THTPA: variants seen among roughly 807,000 people sequenced by gnomAD.
The protein encoded by THTPA is thiamine triphosphatase, also known as thiamine-triphosphatase.
Under a neutral mutation model 16.5 loss-of-function variants are expected in THTPA, and 16 were observed. The observed-to-expected ratio is 0.97, with a 90% CI of 0.66 to 1.47. The LOEUF is 1.47. Ranked by LOEUF, THTPA falls within the 40% of genes most tolerant of loss-of-function variation. THTPA has a pLI of 0.00. For missense variants in THTPA, 281 were observed against 280.9 expected, an observed-to-expected ratio of 1.00 and a Z score of 0.00; for synonymous variants, 110 against 115.5, an observed-to-expected ratio of 0.95 and a Z score of 0.30.
Position 23,559,171 on chromosome 14 carries a change from C to A in THTPA, c.*331C>A. 1 of 278,042 alleles carries A rather than the reference C, an allele frequency of 3.6e-6. No homozygotes were observed. The highest frequency in any genetic ancestry group is 5.1e-5 in the South Asian group (1 of 19,602). The allele number at this position is 278,042 out of a possible 1,614,324, so 17.2% of individuals were successfully genotyped here. A position where few individuals can be genotyped will look rare whatever the true frequency, so the allele number is the denominator to read the frequency against. On this transcript the variant is annotated 3_prime_UTR_variant, in exon 2 of 2. Coordinates refer to ENST00000288014, the MANE Select transcript of THTPA (RefSeq NM_024328.6). ...CCCTTGCCACCCCCCCTCCCTTGGT[C>A]GATGCCATTGATTCTGCCAGCGGCT...
chr14:23,522,370 T>G, the THTPA span: 6 of 1,536,158 alleles, frequency 3.9e-6, no homozygotes, highest in East Asian at 1.5e-4. Context: ...CAGTGCTGCC[T>G]GTCAGCAGCT....
the THTPA span, among the ~76,000 whole-genome samples, chr14:23,519,478 G>A: frequency 6.6e-6 from 1 of 152,168 alleles, no homozygotes; most frequent in Non-Finnish European, 1.5e-5. Flanking sequence ...AGGGGTACAA[G>A]AGAGGCGGGG....
At chr14:23,543,967 A>C in the THTPA span, 1 of 152,104 alleles carries the variant, frequency 6.6e-6, no homozygotes, top group African/African-American at 2.4e-5. Context: ...CTTCATATAG[A>C]GAATGGGGCA....
upstream of THTPA, among the ~76,000 whole-genome samples, chr14:23,552,086 T>G (rs1882009134): frequency 6.6e-6 from 1 of 152,030 alleles, no homozygotes; most frequent in South Asian, 2.1e-4. Flanking sequence ...CTTTTTTCAT[T>G]CTCTTCTTCC....
chr14:23,518,588 A>T, the THTPA span, among the ~76,000 whole-genome samples: 1 of 152,226 alleles, frequency 6.6e-6, no homozygotes, highest in South Asian at 2.1e-4. This position sits in a 1 kb window ranked among gnomAD's most constrained non-coding sequence, Gnocchi z 4.5. Flanking sequence ...GAGCAAAAAT[A>T]GCCAAGATCA....
the THTPA span, chr14:23,528,860 A>C: frequency 1.2e-5 from 12 of 984,410 alleles, no homozygotes; most frequent in Non-Finnish European, 1.4e-5. Context: ...CCCAGCCTGC[A>C]TCCAGGCTGG....
chr14:23,521,683 G>T, the THTPA span: 6 of 430,876 alleles, frequency 1.4e-5, no homozygotes, highest in East Asian at 2.5e-4. Flanking sequence ...AATAATCAGG[G>T]TGCCAAGATG....
At chr14:23,553,545 G>C (rs1334014286), upstream of THTPA, among the ~76,000 whole-genome samples, 3 of 151,598 alleles carry the variant, frequency 2.0e-5, no homozygotes, top group Non-Finnish European at 4.4e-5. Context: ...GTTGCGGTGA[G>C]CCAAGATCAC....
chr14:23,554,940 A>G (rs1022074570), upstream of THTPA, among the ~76,000 whole-genome samples: 1 of 152,050 alleles, frequency 6.6e-6, no homozygotes, highest in Non-Finnish European at 1.5e-5. Flanking sequence ...CTCTATTAAT[A>G]TTTTGTCTCC....
chr14:23,523,029 C>G, the THTPA span: 1 of 1,414,162 alleles, frequency 7.1e-7, no homozygotes, highest in African/African-American at 1.4e-5. The surrounding 1 kb of genome is among the most constrained non-coding windows in gnomAD (Gnocchi z 4.1). Context: ...CACACACACC[C>G]GTTCCCAGCA....
chr14:23,557,424 C>T lies in THTPA; in HGVS notation c.547+120C>T, dbSNP rs148035417. ...TTAAAAATTTTTTTTTTAATAGAGA[C>T]AAGGTTTTGCCGTGTTGCCCAGGCT... On this transcript the variant is annotated intron_variant, in intron 1 of 1. Coordinates refer to ENST00000288014, the MANE Select transcript of THTPA (RefSeq NM_024328.6). 2.5e-5 allele frequency: 28 copies of T among 1,142,088 alleles called. No homozygotes were observed. The African/African-American group carries it at 4.0e-4, about 16-fold the overall frequency. The allele number at this position is 1,142,088 out of a possible 1,614,324, so 70.7% of individuals were successfully genotyped here.
the THTPA span, chr14:23,530,199 G>A: frequency 6.5e-7 from 1 of 1,528,192 alleles, no homozygotes; most frequent in South Asian, 1.2e-5. Flanking sequence ...CCTTCCCTGT[G>A]TAGGATGGGG....
chr14:23,546,500 T>C, the THTPA span, among the ~76,000 whole-genome samples: 5 of 152,022 alleles, frequency 3.3e-5, no homozygotes, highest in Non-Finnish European at 5.9e-5. This position sits in a 1 kb window ranked among gnomAD's most constrained non-coding sequence, Gnocchi z 4.7. Flanking sequence ...CAACTGCACA[T>C]GAGGACCCTG....
At chr14:23,525,219 A>C in the THTPA span, 1 of 1,536,124 alleles carries the variant, frequency 6.5e-7, no homozygotes, top group Non-Finnish European at 8.7e-7. This position sits in a 1 kb window ranked among gnomAD's most constrained non-coding sequence, Gnocchi z 5.9. Flanking sequence ...TCTATGGGCC[A>C]GTGTCCCCCT....
chr14:23,529,845 G>A, the THTPA span: 3 of 1,429,354 alleles, frequency 2.1e-6, no homozygotes, highest in South Asian at 2.5e-5. Context: ...TTCCAGGGTA[G>A]GGAGTTGGGC....
chr14:23,534,264 G>A, the THTPA span: 1 of 1,530,208 alleles, frequency 6.5e-7, no homozygotes. The surrounding 1 kb of genome is among the most constrained non-coding windows in gnomAD (Gnocchi z 4.5). Context: ...TTGGGCTGGG[G>A]TCCCAGGTGG....
chr14:23,534,222 G>T, the THTPA span: 2 of 1,509,802 alleles, frequency 1.3e-6, no homozygotes, highest in Non-Finnish European at 1.8e-6. This position sits in a 1 kb window ranked among gnomAD's most constrained non-coding sequence, Gnocchi z 4.5. Context: ...GCCCTGCCTC[G>T]CCTGCTGCTA....
Position 23,557,198 on chromosome 14 carries a change from T to C in THTPA, c.441T>C (p.Asp147=). ...AGCCACAGCTCAGGGTGGACTTGGA[T>C]ACAGCCGACTTTGGCTACGCTGTGG... ...EEEPQLRVDL[D]TADFGYAVGE... is the part of the protein sequence containing the mutation. Residue 147 remains aspartate, a synonymous_variant, in exon 1 of 2, where the codon GAT becomes GAC. Transcript: ENST00000288014. 6.2e-7 allele frequency: 1 copy of C among 1,614,056 alleles called. No individual in the cohort carries two copies. Among genetic ancestry groups the C allele is most frequent in the South Asian group, 1.1e-5 (1 of 91,080 alleles).
chr14:23,527,985 C>T, the THTPA span, among the ~76,000 whole-genome samples: 2 of 150,294 alleles, frequency 1.3e-5, no homozygotes, highest in Non-Finnish European at 2.9e-5. Context: ...CGGCTCACTG[C>T]AACCTCCGCC....
Sources: gnomAD v4.1 joint callset for allele counts (sites outside exome capture counted in the v4.1 genomes callset) on GRCh38, gnomAD v4.1.1 for gene constraint, Gnocchi (gnomAD v3.1) non-coding constraint, MANE v1.5 for transcripts, NCBI Gene and HGNC (gene_info 2026-07-23, HGNC 2026-07-21) for gene names.